Variants in GPATCH2 observed in about 807,000 individuals in gnomAD.
GPATCH2 encodes the protein G-patch domain containing 2.
A neutral mutation model predicts 58.0 loss-of-function variants in GPATCH2; 51 were observed. That is an observed-to-expected ratio of 0.88 (90% CI 0.70 to 1.11). The LOEUF (loss-of-function observed/expected upper bound fraction) is 1.11. Among genes scored for constraint, GPATCH2 ranks in the 50% most tolerant of loss-of-function variants. The pLI is 0.00. For missense variants in GPATCH2, 625 were observed against 652.2 expected, an observed-to-expected ratio of 0.96 and a Z score of 0.45; for synonymous variants, 222 against 218.5, an observed-to-expected ratio of 1.02 and a Z score of -0.14.
intron 5 of GPATCH2, chr1:217,609,955 C>T (rs1668545962): frequency 6.2e-6 from 8 of 1,284,076 alleles, no homozygotes; most frequent in Non-Finnish European, 6.9e-6. Flanking sequence ...CAACCTAAAT[C>T]CCTAGAAAGC....
intron 5 of GPATCH2, among the ~76,000 whole-genome samples, chr1:217,553,525 AT>A (rs1445712071): frequency 1.3e-5 from 2 of 152,170 alleles, no homozygotes; most frequent in African/African-American, 4.8e-5. Context: ...TTGTAAGAAT[AT>A]GTATACTAGA....
In GPATCH2 at chr1:217,455,094, C is replaced by T. The variant is rs544825644; in HGVS notation, c.1278-5757G>A. ...GGCTTTGGTCATTTGACTACACATT[C>T]TGCCTCAAACCTGATCTTAGCAAGA... On this transcript the variant is annotated intron_variant, in intron 8 of 9. Coordinates refer to ENST00000366935, the MANE Select transcript of GPATCH2 (RefSeq NM_018040.5). Among the ~76,000 whole-genome samples, 8 of 152,296 alleles carry T rather than the reference C, an allele frequency of 5.3e-5. No individual in the cohort carries two copies. The East Asian group carries it at 1.4e-3, about 26-fold the overall frequency.
At chr1:217,454,300 G>C (rs1486077495) in intron 8 of GPATCH2, among the ~76,000 whole-genome samples, 1 of 152,036 alleles carries the variant, frequency 6.6e-6, no homozygotes, top group Admixed American at 6.5e-5. Flanking sequence ...TTAAATCCTT[G>C]TTTTTCTGGC....
intron 5 of GPATCH2, among the ~76,000 whole-genome samples, chr1:217,590,904 G>A (rs756663635): frequency 1.4e-4 from 22 of 152,184 alleles, no homozygotes; most frequent in Non-Finnish European, 7.4e-5. Flanking sequence ...AGTAAATCAT[G>A]GATCTGGGAG....
intron 8 of GPATCH2, among the ~76,000 whole-genome samples, chr1:217,451,475 T>C (rs990697704): frequency 2.6e-5 from 4 of 152,234 alleles, no homozygotes; most frequent in Non-Finnish European, 4.4e-5. Flanking sequence ...CTTTACTCCA[T>C]ATACACTTGA....
At chr1:217,588,154 TG>T (rs1667429302) in intron 5 of GPATCH2, among the ~76,000 whole-genome samples, 1 of 152,188 alleles carries the variant, frequency 6.6e-6, no homozygotes, top group Non-Finnish European at 1.5e-5. Flanking sequence ...CTCCCTCCCT[TG>T]GATAATCCAT....
At chr1:217,533,045 C>T (rs1237136550) in intron 5 of GPATCH2, among the ~76,000 whole-genome samples, 1 of 151,310 alleles carries the variant, frequency 6.6e-6, no homozygotes, top group Non-Finnish European at 1.5e-5. Flanking sequence ...ACTACAGATG[C>T]ATAGCACCAT....
At chr1:217,567,336 G>A (rs750775200) in intron 5 of GPATCH2, among the ~76,000 whole-genome samples, 10 of 152,066 alleles carry the variant, frequency 6.6e-5, no homozygotes, top group Non-Finnish European at 1.0e-4. Context: ...ATGAGCCACC[G>A]CACCCAGCCT....
At chr1:217,464,600 C>G (rs142315461) in intron 8 of GPATCH2, among the ~76,000 whole-genome samples, 4 of 152,020 alleles carry the variant, frequency 2.6e-5, no homozygotes, top group Non-Finnish European at 2.9e-5. Context: ...AAAACCCACA[C>G]CAAGGAAAAA....
At chr1:217,607,174 CA>C (rs1668400492) in intron 5 of GPATCH2, among the ~76,000 whole-genome samples, 1 of 152,092 alleles carries the variant, frequency 6.6e-6, no homozygotes, top group African/African-American at 2.4e-5. Context: ...TTGTTAACCC[CA>C]AAATCAATAC....
At chr1:217,609,288 T>G (rs1668512882) in intron 5 of GPATCH2, 1 of 984,996 alleles carries the variant, frequency 1.0e-6, no homozygotes, top group South Asian at 4.7e-5. Flanking sequence ...TCTAAAGATG[T>G]ACAAGCAGCT....
At chr1:217,580,322 G>T (rs61013187) in intron 5 of GPATCH2, among the ~76,000 whole-genome samples, 2,335 of 152,260 alleles carry the variant, frequency 0.015, 78 homozygotes, top group East Asian at 0.13. Context: ...TGGGGAAAAA[G>T]ATGTATATGA....
intron 6 of GPATCH2, 34 bp from the exon 7 acceptor site, chr1:217,498,429 C>G (rs724803): frequency 0.31 from 493,429 of 1,572,950 alleles, 80,548 homozygotes; most frequent in Middle Eastern, 0.37. Context: ...TTAGAGGGAA[C>G]CTAACTAAAA....
At chr1:217,603,300 T>C (rs1352125361) in intron 5 of GPATCH2, among the ~76,000 whole-genome samples, 8 of 152,106 alleles carry the variant, frequency 5.3e-5, no homozygotes, top group Non-Finnish European at 1.2e-4. Flanking sequence ...TTTGGTAACA[T>C]TAAAATACCA....
chr1:217,559,326 CAA>C (rs113425713), intron 5 of GPATCH2, among the ~76,000 whole-genome samples: 1 of 137,528 alleles, frequency 7.3e-6, no homozygotes. Flanking sequence ...TCACCCCCTG[CAA>C]AAAAAAAAAA....
At chr1:217,545,310 G>A (rs145668215) in intron 5 of GPATCH2, among the ~76,000 whole-genome samples, 77 of 152,288 alleles carry the variant, frequency 5.1e-4, no homozygotes, top group African/African-American at 1.6e-3. Context: ...CAGGAGTTCC[G>A]TCAATGGACA....
At chr1:217,596,612 T>C (rs1274792109) in intron 5 of GPATCH2, among the ~76,000 whole-genome samples, 1 of 152,160 alleles carries the variant, frequency 6.6e-6, no homozygotes, top group Non-Finnish European at 1.5e-5. Context: ...TGCCCTTTTA[T>C]ATTAGTTTAA....
intron 5 of GPATCH2, among the ~76,000 whole-genome samples, chr1:217,585,512 C>T (rs560299710): frequency 9.2e-5 from 14 of 152,038 alleles, no homozygotes; most frequent in African/African-American, 2.4e-4. Flanking sequence ...TCCAGCTACT[C>T]GGTAGGCTGA....
intron 1 of GPATCH2, among the ~76,000 whole-genome samples, chr1:217,627,403 A>C (rs1669520911): frequency 2.0e-5 from 3 of 152,068 alleles, no homozygotes; most frequent in South Asian, 4.1e-4. Flanking sequence ...GCTGCATACA[A>C]TTTCAGTAAG....
Sources: allele counts gnomAD v4.1 joint callset (sites outside exome capture counted in the v4.1 genomes callset), GRCh38; gene constraint gnomAD v4.1.1; transcripts MANE v1.5; gene names NCBI Gene and HGNC (gene_info 2026-07-23, HGNC 2026-07-21).